Variants in CCAR1 observed in about 807,000 individuals in gnomAD.
CCAR1 encodes cell division cycle and apoptosis regulator protein 1.
In CCAR1, 78 loss-of-function variants were observed where a neutral mutation model predicts 163.8. The ratio of observed to expected loss-of-function variants is 0.48; its 90% CI spans 0.40 to 0.57. The LOEUF (loss-of-function observed/expected upper bound fraction) is 0.57. Among genes scored for constraint, CCAR1 ranks in the 20% least tolerant of loss-of-function variants. The pLI is 0.00. For synonymous variants in CCAR1, 443 were observed against 460.7 expected (o/e 0.96, Z 0.49); for missense variants, 1,019 against 1,365.2 (o/e 0.75, Z 4.00).
chr10:68,759,264 AATT>A (rs985123349), intron 15 of CCAR1: 2 of 152,160 alleles, frequency 1.3e-5, no homozygotes, highest in African/African-American at 4.8e-5. Flanking sequence ...AAGTTTAAAA[AATT>A]ATTTGGGCAT....
chr10:68,788,514 C>T (rs1378060094), intron 23 of CCAR1, among the ~76,000 whole-genome samples, 186 bp downstream of exon 23: 2 of 152,188 alleles, frequency 1.3e-5, no homozygotes, highest in Non-Finnish European at 2.9e-5. Context: ...AAGACAGGGT[C>T]TCACTCCGTT....
At chr10:68,745,724 A>C (rs945170926) in intron 6 of CCAR1, among the ~76,000 whole-genome samples, 19 of 151,756 alleles carry the variant, frequency 1.3e-4, no homozygotes, top group Non-Finnish European at 1.5e-5. Flanking sequence ...TCAGCCTCCC[A>C]AAGTGCTGGG....
chr10:68,765,240 A>G (rs1589178322), intron 16 of CCAR1, among the ~76,000 whole-genome samples: 1 of 152,188 alleles, frequency 6.6e-6, no homozygotes, highest in African/African-American at 2.4e-5. Flanking sequence ...TTGTAAGGCT[A>G]GAGTGGCCTA....
Position 68,729,820 on chromosome 10 carries a change from G to A in CCAR1, c.74-7056G>A, listed in dbSNP as rs114813992. The stretch of plus-strand genomic sequence containing the variant: ...TTGCTATGTTGCCTAGGCTGGATTT[G>A]AACTCTTGGATGGAAGCAGTCCTCC... On this transcript the variant is annotated intron_variant, in intron 2 of 24. Transcript: ENST00000265872. Among the ~76,000 whole-genome samples, 983 of 152,012 alleles carry A rather than the reference G, an allele frequency of 6.5e-3. 8 individuals carry two copies. The highest frequency in any genetic ancestry group is 0.021 in the African/African-American group (889 of 41,470).
At chr10:68,757,158 C>A in intron 14 of CCAR1, 136 bp from the exon 15 acceptor site, 2 of 563,378 alleles carry the variant, frequency 3.6e-6, no homozygotes, top group East Asian at 3.2e-5. Context: ...CGTGGACTTG[C>A]CTAAATAATA....
intron 8 of CCAR1, among the ~76,000 whole-genome samples, chr10:68,748,213 C>T (rs909958565): frequency 1.3e-5 from 2 of 152,024 alleles, no homozygotes; most frequent in Non-Finnish European, 2.9e-5. Flanking sequence ...CATGGTGGCT[C>T]ACACCGTAAT....
chr10:68,726,988 C>A (rs1286366367), intron 2 of CCAR1, among the ~76,000 whole-genome samples: 1 of 148,328 alleles, frequency 6.7e-6, no homozygotes, highest in African/African-American at 2.5e-5. Context: ...AGCAAGACTT[C>A]CTCTCAAAAA....
intron 24 of CCAR1, among the ~76,000 whole-genome samples, 165 bp downstream of exon 24, chr10:68,790,080 A>G (rs2056836529): frequency 6.6e-6 from 1 of 152,174 alleles, no homozygotes; most frequent in Non-Finnish European, 1.5e-5. Flanking sequence ...CAGGCTGGGC[A>G]CAGTGGCTCA....
rs750932566 is a variant in CCAR1, at chr10:68,788,231, A to G, written c.3090A>G (p.Ala1030=). 1 of 1,605,094 alleles carries G rather than the reference A, an allele frequency of 6.2e-7. No individual in the cohort carries two copies. The highest frequency in any genetic ancestry group is 8.5e-7 in the Non-Finnish European group (1 of 1,176,788). ...TTGGCCTCATTGTGTACAATGGTGC[A>G]ATGGTAGATGTAGGAAGCCTCTTGC... ...ENVGLIVYNG[A]MVDVGSLLQK... Residue 1030 remains alanine (A), a synonymous_variant, in exon 23 of 25, where the codon GCA becomes GCG. Transcript: ENST00000265872.
chr10:68,779,368 G>A (rs749733713), intron 19 of CCAR1, among the ~76,000 whole-genome samples: 2 of 151,150 alleles, frequency 1.3e-5, no homozygotes, highest in Non-Finnish European at 2.9e-5. Context: ...AGCGATTCTC[G>A]TGCCCTCAGC....
chr10:68,769,940 CAAAAAAAAAAA>C (rs10527624), intron 17 of CCAR1, among the ~76,000 whole-genome samples: 1 of 69,954 alleles, frequency 1.4e-5, no homozygotes, highest in Non-Finnish European at 3.1e-5. Context: ...GACTCTGTCT[CAAAAAAAAAAA>C]AAAAAAAAAA....
chr10:68,736,756 A>T (rs2056115898), intron 2 of CCAR1, 120 bp from the exon 3 acceptor site: 1 of 748,290 alleles, frequency 1.3e-6, no homozygotes, highest in African/African-American at 1.8e-5. Context: ...TATCTTGACT[A>T]TTGTGAATAG....
chr10:68,726,137 A>T lies in CCAR1; in HGVS notation c.73+3560A>T, dbSNP rs572095519. Reference sequence around the variant, plus strand: ...CTAAAAAAAAAAAAAAAAAAAAGAAATGGGTACTTCAGGGTTTTAATTTTT... The same window carrying T: ...CTAAAAAAAAAAAAAAAAAAAAGAATTGGGTACTTCAGGGTTTTAATTTTT... On this transcript the variant is annotated intron_variant, in intron 2 of 24. Transcript: ENST00000265872. Among the ~76,000 whole-genome samples, 11 of 140,894 alleles carry T rather than the reference A, an allele frequency of 7.8e-5. No individual in the cohort carries two copies. In the Admixed American group the frequency reaches 8.6e-4, roughly 11 times the overall value. 92.4% of individuals were successfully genotyped at this position (140,894 alleles called of 152,430 possible). A position where few individuals can be genotyped will look rare whatever the true frequency, so the allele number is the denominator to read the frequency against.
intron 19 of CCAR1, among the ~76,000 whole-genome samples, chr10:68,784,060 T>G (rs1282888330): frequency 6.6e-6 from 1 of 152,058 alleles, no homozygotes; most frequent in Non-Finnish European, 1.5e-5. Context: ...GCCCGGCCAA[T>G]TGTTTGCTTC....
At chr10:68,736,340 T>C (rs915122437) in intron 2 of CCAR1, among the ~76,000 whole-genome samples, 2 of 152,196 alleles carry the variant, frequency 1.3e-5, no homozygotes, top group Non-Finnish European at 2.9e-5. Context: ...CTACTTATCT[T>C]TTGTGGTGAG....
At chr10:68,760,957 G>A (rs747621202) in intron 15 of CCAR1, 50 bp from the exon 16 acceptor site, 1 of 272,786 alleles carries the variant, frequency 3.7e-6, no homozygotes, top group Non-Finnish European at 6.9e-6. Flanking sequence ...GCTGCCCCCC[G>A]CCCCCCGCCA....
intron 4 of CCAR1, among the ~76,000 whole-genome samples, chr10:68,739,952 T>C (rs748545878): frequency 1.3e-5 from 2 of 152,222 alleles, no homozygotes; most frequent in Non-Finnish European, 2.9e-5. Context: ...CTAATTCCTT[T>C]TACTTTCTGG....
At chr10:68,770,349 A>G (rs977716103) in intron 17 of CCAR1, among the ~76,000 whole-genome samples, 1 of 152,186 alleles carries the variant, frequency 6.6e-6, no homozygotes, top group Non-Finnish European at 1.5e-5. Flanking sequence ...AGCTTTCTTC[A>G]GTGCTGTATC....
intron 24 of CCAR1, among the ~76,000 whole-genome samples, chr10:68,790,128 C>T (rs1013624241): frequency 6.6e-6 from 1 of 152,044 alleles, no homozygotes; most frequent in East Asian, 1.9e-4. Flanking sequence ...CCAACGCGGG[C>T]GGATCACCTG....
Sources: allele counts gnomAD v4.1 joint callset (sites outside exome capture counted in the v4.1 genomes callset), GRCh38; gene constraint gnomAD v4.1.1; transcripts MANE v1.5; gene names NCBI Gene and HGNC (gene_info 2026-07-23, HGNC 2026-07-21).